Variants in CADM2 observed in about 807,000 individuals in gnomAD.
The protein encoded by CADM2 is cell adhesion molecule 2, also known as immunoglobulin superfamily member 4D.
Under a neutral mutation model 49.8 loss-of-function variants are expected in CADM2, and 12 were observed. That is an observed-to-expected ratio of 0.24 (90% CI 0.15 to 0.39). The LOEUF (loss-of-function observed/expected upper bound fraction) is 0.39, where lower values mean the gene tolerates loss of function less well. CADM2 is among the 10% of genes least tolerant of loss of function. CADM2 has a pLI of 1.00. For synonymous variants in CADM2, 214 were observed against 175.4 expected (o/e 1.22, Z -1.74); for missense variants, 378 against 492.3 (o/e 0.77, Z 2.20).
intron 1 of CADM2, among the ~76,000 whole-genome samples, chr3:85,148,544 G>A (rs2039823333): frequency 6.6e-6 from 1 of 152,024 alleles, no homozygotes; most frequent in African/African-American, 2.4e-5. Flanking sequence ...TATCCTGAAT[G>A]TTAAAGAACT....
At chr3:85,963,374 G>A (rs1476551051) in intron 8 of CADM2, among the ~76,000 whole-genome samples, 2 of 151,898 alleles carry the variant, frequency 1.3e-5, no homozygotes, top group Non-Finnish European at 2.9e-5. Context: ...TGGCCTTTCT[G>A]CCAGAGAGAA....
rs573587074 is a variant in CADM2, at chr3:85,721,030, A to C, written c.62-5492A>C. On this transcript the variant is annotated intron_variant, in intron 1 of 9. Transcript: ENST00000383699. ...AGTAGATTTTAAAATATATATATTCAGAAGTGTGTTTTTTCTCTGTAAATT... is the reference window on the plus strand; with the variant it reads ...AGTAGATTTTAAAATATATATATTCCGAAGTGTGTTTTTTCTCTGTAAATT... Among the ~76,000 whole-genome samples the C allele has an allele frequency of 4.5e-4, 69 of 152,334 alleles. 1 individual carries two copies. Among genetic ancestry groups the C allele is most frequent in the African/African-American group, 1.6e-3 (67 of 41,576 alleles).
chr3:85,178,700 C>T (rs778645726), intron 1 of CADM2, among the ~76,000 whole-genome samples: 3 of 151,688 alleles, frequency 2.0e-5, no homozygotes, highest in Non-Finnish European at 4.4e-5. Context: ...ATTTAAACTA[C>T]TTGGCGTTGT....
intron 1 of CADM2, among the ~76,000 whole-genome samples, chr3:85,347,068 CA>C (rs1293793541): frequency 6.6e-6 from 1 of 151,450 alleles, no homozygotes; most frequent in Non-Finnish European, 1.5e-5. Flanking sequence ...ACTAAAAATA[CA>C]AAAATTAGCC....
Position 85,597,357 on chromosome 3 carries a change from G to A in CADM2, c.62-129165G>A, listed in dbSNP as rs1576896491. Among the ~76,000 whole-genome samples the A allele has an allele frequency of 2.0e-5, 3 of 152,100 alleles. No homozygotes were observed. In the South Asian group the frequency reaches 6.2e-4, roughly 31 times the overall value. On this transcript the variant is annotated intron_variant, in intron 1 of 9. Coordinates refer to ENST00000383699, the MANE Select transcript of CADM2 (RefSeq NM_001167675.2). ...AATAATGCAAGATAACTGCCTTTAT[G>A]TGCTTGTCTAGATAGATTCATATCT... is the stretch of plus-strand genomic sequence containing the variant.
intron 1 of CADM2, among the ~76,000 whole-genome samples, chr3:85,675,006 G>T (rs1273511439): frequency 6.6e-6 from 1 of 152,126 alleles, no homozygotes; most frequent in Non-Finnish European, 1.5e-5. Context: ...TATCTAGACT[G>T]CTGATTTTAT....
intron 1 of CADM2, among the ~76,000 whole-genome samples, chr3:85,212,765 C>T (rs966236907): frequency 6.6e-6 from 1 of 151,762 alleles, no homozygotes; most frequent in Non-Finnish European, 1.5e-5. Flanking sequence ...CTGCATCTTA[C>T]TATTACCAGT....
intron 3 of CADM2, among the ~76,000 whole-genome samples, chr3:85,837,579 C>G (rs1363789735): frequency 6.6e-6 from 1 of 151,502 alleles, no homozygotes. Flanking sequence ...GTCTCGTCAT[C>G]ATTCTTTGGA....
intron 1 of CADM2, among the ~76,000 whole-genome samples, chr3:85,612,893 G>A (rs1199611898): frequency 1.3e-5 from 2 of 151,598 alleles, no homozygotes; most frequent in Non-Finnish European, 3.0e-5. Flanking sequence ...TTATTAAATT[G>A]AAATCAAGTC....
intron 3 of CADM2, among the ~76,000 whole-genome samples, chr3:85,865,597 A>C (rs1178689469): frequency 6.6e-6 from 1 of 152,210 alleles, no homozygotes; most frequent in Non-Finnish European, 1.5e-5. Context: ...ACATTTTTGA[A>C]AATTTTACAT....
chr3:86,065,502 A>G (rs1739198431), intron 8 of CADM2, 103 bp from the exon 9 acceptor site: 4 of 1,199,244 alleles, frequency 3.3e-6, no homozygotes, highest in Non-Finnish European at 4.6e-6. Context: ...GTATTATTTA[A>G]CAGAAATTGT....
chr3:85,788,527 C>A (rs2071137166), intron 2 of CADM2, among the ~76,000 whole-genome samples: 1 of 151,910 alleles, frequency 6.6e-6, no homozygotes, highest in African/African-American at 2.4e-5. Flanking sequence ...AATGTAGAAG[C>A]AATTTAGATA....
intron 1 of CADM2, among the ~76,000 whole-genome samples, chr3:85,405,066 T>C (rs1322349044): frequency 6.6e-6 from 1 of 152,148 alleles, no homozygotes; most frequent in Non-Finnish European, 1.5e-5. Context: ...AAATCATTAG[T>C]GCAAATGTTC....
chr3:86,033,280 T>C (rs1734758503), intron 8 of CADM2, among the ~76,000 whole-genome samples: 2 of 152,110 alleles, frequency 1.3e-5, no homozygotes, highest in South Asian at 4.1e-4. Flanking sequence ...TTTCTAATAA[T>C]GTAGATATGT....
At chr3:84,960,553 A>G (rs527275312) in intron 1 of CADM2, 65 of 151,846 alleles carry the variant, frequency 4.3e-4, no homozygotes, top group African/African-American at 1.4e-3. Flanking sequence ...TTTCACTTAG[A>G]TTTCCTACCT....
chr3:85,622,124 A>G (rs535042422), intron 1 of CADM2, among the ~76,000 whole-genome samples: 2 of 152,342 alleles, frequency 1.3e-5, no homozygotes, highest in African/African-American at 2.4e-5. Flanking sequence ...GATGGAAACT[A>G]TAGATTCTTA....
intron 1 of CADM2, among the ~76,000 whole-genome samples, chr3:84,961,801 G>T (rs2030551248): frequency 6.6e-6 from 1 of 152,172 alleles, no homozygotes; most frequent in South Asian, 2.1e-4. Flanking sequence ...GGGCTGCTGC[G>T]AAATTATTTA....
intron 1 of CADM2, among the ~76,000 whole-genome samples, chr3:85,454,652 C>T (rs561844011): frequency 2.6e-5 from 4 of 151,958 alleles, no homozygotes; most frequent in African/African-American, 9.6e-5. Flanking sequence ...TTTTTTTGCC[C>T]ACAAACTGAA....
At chr3:85,250,988 G>T (rs1363971234) in intron 1 of CADM2, among the ~76,000 whole-genome samples, 1 of 151,566 alleles carries the variant, frequency 6.6e-6, no homozygotes, top group Non-Finnish European at 1.5e-5. Context: ...CAGTGTAATG[G>T]TACAAATGAA....
Sources: allele counts gnomAD v4.1 joint callset (sites outside exome capture counted in the v4.1 genomes callset), GRCh38; gene constraint gnomAD v4.1.1; transcripts MANE v1.5; gene names NCBI Gene and HGNC (gene_info 2026-07-23, HGNC 2026-07-21).